PUS10: variants seen among roughly 807,000 people sequenced by gnomAD.
PUS10 encodes pseudouridine synthase 10.
Under a neutral mutation model 75.0 loss-of-function variants are expected in PUS10, and 59 were observed. The ratio of observed to expected loss-of-function variants is 0.79; its 90% CI spans 0.64 to 0.98. The LOEUF is 0.98. Among genes scored for constraint, PUS10 ranks in the 50% least tolerant of loss-of-function variants. The probability of loss-of-function intolerance (pLI) is 0.00; values close to 1 mark genes in which losing one functional copy is unlikely to be tolerated. For synonymous variants in PUS10, 219 were observed against 211.6 expected (o/e 1.03, Z -0.30); for missense variants, 650 against 614.4 (o/e 1.06, Z -0.61).
intron 1 of PUS10, among the ~76,000 whole-genome samples, chr2:61,013,243 A>C (rs1165332442): frequency 1.3e-5 from 2 of 150,000 alleles, no homozygotes; most frequent in Non-Finnish European, 3.0e-5. Flanking sequence ...ACAGAGCAAG[A>C]CCTTGTCTCT....
intron 4 of PUS10, among the ~76,000 whole-genome samples, chr2:60,998,463 G>A (rs528960643): frequency 7.6e-4 from 115 of 152,022 alleles, no homozygotes; most frequent in Non-Finnish European, 1.4e-3. Context: ...AGGCCGAGGC[G>A]GACGCATCAC....
chr2:60,982,834 A>G (rs1355002196), intron 4 of PUS10, among the ~76,000 whole-genome samples: 1 of 146,316 alleles, frequency 6.8e-6, no homozygotes, highest in Non-Finnish European at 1.5e-5. Flanking sequence ...ATTAAGTCGA[A>G]TTTTTTTTTT....
chr2:60,969,809 G>A (rs1402737495), intron 5 of PUS10, among the ~76,000 whole-genome samples: 1 of 152,136 alleles, frequency 6.6e-6, no homozygotes, highest in Non-Finnish European at 1.5e-5. Flanking sequence ...ATAAAAAGCC[G>A]GGAGCAGTGG....
At chr2:61,017,983 G>A (rs1285512225) in intron 1 of PUS10, 25 bp downstream of exon 1, 3 of 1,313,366 alleles carry the variant, frequency 2.3e-6, no homozygotes, top group Non-Finnish European at 3.1e-6. Context: ...GGGGATAGGG[G>A]CCGAGGTGGA....
Position 60,946,355 on chromosome 2 carries a change from T to C in PUS10, c.1452-1247A>G, listed in dbSNP as rs148634171. Among the ~76,000 whole-genome samples the C allele has an allele frequency of 4.0e-3, 616 of 152,324 alleles. 6 individuals carry two copies. The highest frequency in any genetic ancestry group is 0.014 in the African/African-American group (586 of 41,574). On this transcript the variant is annotated intron_variant, in intron 16 of 17. Transcript: ENST00000316752. ...ATTAATATACTTCTGTGTATAACCA[T>C]GTGGCATCTAAAGCTTTAACACATA...
chr2:60,977,431 A>C (rs1323668416), intron 4 of PUS10, among the ~76,000 whole-genome samples: 3 of 152,224 alleles, frequency 2.0e-5, no homozygotes, highest in African/African-American at 7.2e-5. Context: ...GAACCCAAAG[A>C]CTGAAACCAT....
At chr2:61,000,994 T>G (rs1424881819) in intron 4 of PUS10, among the ~76,000 whole-genome samples, 1 of 152,220 alleles carries the variant, frequency 6.6e-6, no homozygotes, top group Non-Finnish European at 1.5e-5. Context: ...ATGTGGAGCA[T>G]TCGTTCTCCC....
chr2:60,988,577 T>A (rs1677869950), intron 4 of PUS10, among the ~76,000 whole-genome samples: 1 of 152,200 alleles, frequency 6.6e-6, no homozygotes, highest in Non-Finnish European at 1.5e-5. Flanking sequence ...ATCTTAAAAG[T>A]AAACAAATAT....
chr2:60,999,403 C>T (rs1035764305), intron 4 of PUS10, among the ~76,000 whole-genome samples: 1 of 152,034 alleles, frequency 6.6e-6, no homozygotes, highest in Non-Finnish European at 1.5e-5. Flanking sequence ...TCACTTGAAC[C>T]CAGGAGTTCG....
intron 11 of PUS10, among the ~76,000 whole-genome samples, chr2:60,959,275 C>A (rs141588949): frequency 1.0e-3 from 159 of 152,350 alleles, no homozygotes; most frequent in African/African-American, 3.6e-3. Flanking sequence ...TTAATTTCCT[C>A]ATATTCCCCC....
At chr2:60,997,096 A>G (rs1678517818) in intron 4 of PUS10, among the ~76,000 whole-genome samples, 3 of 152,246 alleles carry the variant, frequency 2.0e-5, no homozygotes, top group Non-Finnish European at 4.4e-5. Flanking sequence ...CCAATGTTAC[A>G]TTCACAGAAG....
intron 16 of PUS10, among the ~76,000 whole-genome samples, chr2:60,945,421 T>G (rs1361605603): frequency 6.6e-6 from 1 of 152,230 alleles, no homozygotes; most frequent in Non-Finnish European, 1.5e-5. Flanking sequence ...TCAATGCTTT[T>G]ATTAAAAAAC....
chr2:60,969,403 G>A (rs1676527485), intron 5 of PUS10, among the ~76,000 whole-genome samples: 1 of 152,128 alleles, frequency 6.6e-6, no homozygotes, highest in South Asian at 2.1e-4. Flanking sequence ...CTTCACAGAG[G>A]TCCCTAGCAT....
chr2:60,984,882 T>C (rs1677621329), intron 4 of PUS10, among the ~76,000 whole-genome samples: 1 of 152,160 alleles, frequency 6.6e-6, no homozygotes, highest in Non-Finnish European at 1.5e-5. Context: ...AATATGTATA[T>C]AGCAAAAGGT....
chr2:60,992,748 T>C (rs1678193516), intron 4 of PUS10, among the ~76,000 whole-genome samples: 1 of 152,202 alleles, frequency 6.6e-6, no homozygotes, highest in Non-Finnish European at 1.5e-5. Context: ...ATTTTATTTT[T>C]TCCCCACACA....
At chr2:60,967,702 T>TA in intron 5 of PUS10, 89 bp from the exon 6 acceptor site, 1 of 830,098 alleles carries the variant, frequency 1.2e-6, no homozygotes, top group Non-Finnish European at 1.9e-6. Context: ...TTTAAAATAT[T>TA]GATTGAGTGC....
At chr2:61,013,765 C>T (rs148884971) in intron 1 of PUS10, among the ~76,000 whole-genome samples, 1,578 of 152,302 alleles carry the variant, frequency 0.01, 28 homozygotes, top group African/African-American at 0.035. Flanking sequence ...TGGCTCACAT[C>T]TGTAATCCCA....
At chr2:60,959,262 G>A (rs180777543) in intron 11 of PUS10, among the ~76,000 whole-genome samples, 1 of 152,334 alleles carries the variant, frequency 6.6e-6, no homozygotes, top group East Asian at 1.9e-4. Flanking sequence ...TGGAAGATGT[G>A]TTTTAATTTC....
At chr2:61,016,044 T>A (rs752435308) in intron 1 of PUS10, among the ~76,000 whole-genome samples, 1 of 152,242 alleles carries the variant, frequency 6.6e-6, no homozygotes, top group South Asian at 2.1e-4. Context: ...TTTCCCTCGA[T>A]ACTTAAATAG....
Sources: gnomAD v4.1 joint callset for allele counts (sites outside exome capture counted in the v4.1 genomes callset) on GRCh38, gnomAD v4.1.1 for gene constraint, MANE v1.5 for transcripts, NCBI Gene and HGNC (gene_info 2026-07-23, HGNC 2026-07-21) for gene names.